Variants in NASP observed in about 807,000 individuals in gnomAD.
NASP encodes NASP histone chaperone.
In NASP, 24 loss-of-function variants were observed where a neutral mutation model predicts 89.5. The ratio of observed to expected loss-of-function variants is 0.27; its 90% CI spans 0.19 to 0.38. The LOEUF (loss-of-function observed/expected upper bound fraction) is 0.38. NASP is among the 10% of genes least tolerant of loss of function. NASP has a pLI of 1.00. For missense variants in NASP, 848 were observed against 921.4 expected, an observed-to-expected ratio of 0.92 and a Z score of 1.03; for synonymous variants, 306 against 324.7, an observed-to-expected ratio of 0.94 and a Z score of 0.62.
chr1:45,617,396 A>G, intron 13 of NASP, 67 bp from the exon 14 acceptor site: 9 of 1,545,364 alleles, frequency 5.8e-6, no homozygotes, highest in Non-Finnish European at 7.0e-6. Flanking sequence ...GGTTAAGGAA[A>G]TGTTTTGCAG....
At chr1:45,606,836 AAAAGAT>A (rs1457247294) in intron 5 of NASP, among the ~76,000 whole-genome samples, 1 of 152,238 alleles carries the variant, frequency 6.6e-6, no homozygotes, top group Non-Finnish European at 1.5e-5. Flanking sequence ...TTTTAAATCA[AAAAGAT>A]AAAAGCAAGA....
intron 2 of NASP, among the ~76,000 whole-genome samples, chr1:45,597,298 CTTTTTTTT>C (rs71056314): frequency 0.25 from 25,074 of 100,048 alleles, 2,743 homozygotes; most frequent in Middle Eastern, 0.34. Context: ...CAGAGCAAGA[CTTTTTTTT>C]TTTTTTTTTT....
Position 45,607,301 on chromosome 1 carries a change from C to A in NASP, c.410-20C>A. The A allele has an allele frequency of 6.2e-7, 1 of 1,609,582 alleles. No individual in the cohort carries two copies. Among genetic ancestry groups the A allele is most frequent in the Non-Finnish European group, 8.5e-7 (1 of 1,177,844 alleles). ...TAAACTCGAAGACATGTTTATGCTTCATGTTCTTTAACCATGTAGAGGAAG... is the reference window on the plus strand; with the variant it reads ...TAAACTCGAAGACATGTTTATGCTTAATGTTCTTTAACCATGTAGAGGAAG... On this transcript the variant is annotated intron_variant, in intron 5 of 14. Transcript: ENST00000350030.
In NASP at chr1:45,584,218, G is replaced by A. The variant is rs1185108381; in HGVS notation, c.59+13G>A. 1.3e-6 allele frequency: 2 copies of A among 1,577,552 alleles called. No homozygotes were observed. The highest frequency in any genetic ancestry group is 1.7e-6 in the Non-Finnish European group (2 of 1,161,236). On this transcript the variant is annotated intron_variant, in intron 1 of 14. Coordinates refer to ENST00000350030, the MANE Select transcript of NASP (RefSeq NM_002482.4). ...TTTCTGCCGACAAGTAAGCGGGACT[G>A]TGGAAAGCTTAAGGCACTGGCCAGT...
intron 2 of NASP, among the ~76,000 whole-genome samples, chr1:45,593,142 G>A (rs1244407684): frequency 6.6e-6 from 1 of 152,150 alleles, no homozygotes; most frequent in Non-Finnish European, 1.5e-5. Context: ...GCATTCCTAT[G>A]TATGATGTTA....
intron 9 of NASP, 71 bp from the exon 10 acceptor site, chr1:45,614,932 CCCATAGGATG>C (rs1440441218): frequency 8.3e-7 from 1 of 1,198,436 alleles, no homozygotes. Context: ...TGGGTGCATT[CCCATAGGATG>C]GGTCTGAATT....
At chr1:45,613,273 G>T in intron 7 of NASP, 25 bp downstream of exon 7, 2 of 1,590,704 alleles carry the variant, frequency 1.3e-6, no homozygotes, top group Non-Finnish European at 1.7e-6. Context: ...ACTCAGTACT[G>T]TTGTCAGCCT....
rs1270476547 is a variant in NASP, at chr1:45,607,388, A to G, written c.477A>G (p.Lys159=). 6.2e-7 allele frequency: 1 copy of G among 1,614,122 alleles called. No individual in the cohort carries two copies. Among genetic ancestry groups the G allele is most frequent in the African/African-American group, 1.3e-5 (1 of 75,062 alleles). Residue 159 remains lysine (K), a synonymous_variant, in exon 6 of 15, where the codon AAA becomes AAG. Coordinates refer to ENST00000350030, the MANE Select transcript of NASP (RefSeq NM_002482.4). ...DAMGEKEEAK[K]TEDKSLAKPE... is the part of the protein sequence containing the mutation. ...TGGGAGAAAAAGAAGAAGCCAAAAA[A>G]ACAGAAGACAAGTCTTTGGCAAAGC...
chr1:45,616,242 A>T, intron 11 of NASP, 95 bp from the exon 12 acceptor site: 1 of 1,133,910 alleles, frequency 8.8e-7, no homozygotes, highest in Non-Finnish European at 1.3e-6. Context: ...TTCAGGTCTT[A>T]GTCAGTTGTT....
chr1:45,617,613 AGCCTCTT>A, intron 14 of NASP, 22 bp downstream of exon 14: 2 of 1,559,084 alleles, frequency 1.3e-6, no homozygotes, highest in Non-Finnish European at 1.7e-6. Context: ...AGCAGGGCTT[AGCCTCTT>A]GCCTCATTCC....
chr1:45,617,631 T>C, intron 14 of NASP, 40 bp downstream of exon 14: 1 of 1,535,854 alleles, frequency 6.5e-7, no homozygotes, highest in Non-Finnish European at 8.7e-7. Flanking sequence ...GCCTCATTCC[T>C]TGTTCTCAGG....
chr1:45,613,002 A>G (rs540513914), intron 6 of NASP, 167 bp from the exon 7 acceptor site: 9 of 935,126 alleles, frequency 9.6e-6, no homozygotes, highest in African/African-American at 5.2e-5. Flanking sequence ...GTTACACTTG[A>G]ACTAGACTGC....
At chr1:45,605,883 T>C (rs12035107) in intron 4 of NASP, among the ~76,000 whole-genome samples, 4,086 of 151,906 alleles carry the variant, frequency 0.027, 138 homozygotes, top group East Asian at 0.15. Context: ...TTTGAGCGAT[T>C]CTCCTGCCTT....
At chr1:45,616,220 G>A in intron 11 of NASP, 117 bp from the exon 12 acceptor site, 3 of 914,520 alleles carry the variant, frequency 3.3e-6, no homozygotes, top group South Asian at 2.8e-5. Flanking sequence ...ACTATATGGA[G>A]GCCACTAGCA....
chr1:45,600,015 TC>T (rs1430551103), intron 2 of NASP, among the ~76,000 whole-genome samples: 1 of 148,950 alleles, frequency 6.7e-6, no homozygotes, highest in East Asian at 2.0e-4. Context: ...TTTGACATTG[TC>T]CCTGTGGTCT....
intron 1 of NASP, among the ~76,000 whole-genome samples, chr1:45,590,427 C>T (rs932041006): frequency 5.3e-5 from 8 of 150,976 alleles, no homozygotes; most frequent in Non-Finnish European, 7.4e-5. Context: ...GCACAGGCAC[C>T]GGCCTGGCAC....
rs1033026479 is a variant in NASP at position 45,584,265 on chromosome 1, G to T, written c.59+60G>T. ...CAGTCCGCGGGGAGGGCTAATGGAC[G>T]GGGGCTCCGGAGAAGGGGCAGACCG... On this transcript the variant is annotated intron_variant, in intron 1 of 14. Transcript: ENST00000350030. The T allele has an allele frequency of 1.1e-4, 156 of 1,479,696 alleles. No homozygotes were observed. The Admixed American group carries it at 1.1e-3, about 11-fold the overall frequency. 91.7% of individuals were successfully genotyped at this position (1,479,696 alleles called of 1,614,324 possible).
chr1:45,613,288 C>T, intron 7 of NASP, 40 bp downstream of exon 7: 2 of 1,573,556 alleles, frequency 1.3e-6, no homozygotes, highest in Non-Finnish European at 1.7e-6. Flanking sequence ...CAGCCTTTTT[C>T]TGTTTTTGGG....
At chr1:45,602,413 C>A in intron 3 of NASP, 48 bp downstream of exon 3, 1 of 1,529,742 alleles carries the variant, frequency 6.5e-7, no homozygotes, top group Non-Finnish European at 8.9e-7. Flanking sequence ...TTCTAATAAA[C>A]CTTGAGTTAT....
Sources: gnomAD v4.1 joint callset for allele counts (sites outside exome capture counted in the v4.1 genomes callset) on GRCh38, gnomAD v4.1.1 for gene constraint, MANE v1.5 for transcripts, NCBI Gene and HGNC (gene_info 2026-07-23, HGNC 2026-07-21) for gene names.